Variants in EPS15L1 observed in about 807,000 individuals in gnomAD.
The protein encoded by EPS15L1 is epidermal growth factor receptor pathway substrate 15 like 1.
A neutral mutation model predicts 117.1 loss-of-function variants in EPS15L1; 43 were observed. The ratio of observed to expected loss-of-function variants is 0.37; its 90% CI spans 0.29 to 0.47. EPS15L1 has a LOEUF of 0.47. Ranked by LOEUF, EPS15L1 falls within the 20% of genes least tolerant of loss-of-function variation. The pLI, the probability that EPS15L1 is intolerant of heterozygous loss-of-function variation, is 0.99. For missense variants in EPS15L1, 981 were observed against 1,164.0 expected (o/e 0.84, Z 2.29); for synonymous variants, 459 against 470.5 (o/e 0.98, Z 0.32).
Position 16,377,129 on chromosome 19 carries a change from C to A in EPS15L1, c.2373G>T (p.Pro791=). The change falls in exon 22 of 24, where the codon CCG becomes CCT. Residue 791 remains proline, a synonymous_variant. Transcript: ENST00000455140. The part of the protein sequence containing the change: ...PKKPAPPRPK[P]PSGKSTPVSQ... ...AGAAGAAAGCTTACTGACCGCTGGG[C>A]GGTTTAGGCCGTGGAGGAGCAGGTT... is the stretch of plus-strand genomic sequence containing the variant. 1.3e-6 allele frequency: 2 copies of A among 1,599,530 alleles called. No individual in the cohort carries two copies. The highest frequency in any genetic ancestry group is 1.7e-6 in the Non-Finnish European group (2 of 1,174,852).
At position 16,355,542 on chromosome 19, in the gene EPS15L1, A is replaced by T; in HGVS notation, c.*163T>A. 1.1e-6 allele frequency: 1 copy of T among 883,072 alleles called. No individual in the cohort carries two copies. Among genetic ancestry groups the T allele is most frequent in the Non-Finnish European group, 1.7e-6 (1 of 597,674 alleles). 54.7% of individuals were successfully genotyped at this position (883,072 alleles called of 1,614,324 possible). On this transcript the variant is annotated 3_prime_UTR_variant, in exon 24 of 24. Transcript: ENST00000455140. ...TGTAAGGGCTTCCCCAGGAGATGTG[A>T]CCTTTCCAGGTCTTGCAGCCGAGTC... is the stretch of plus-strand genomic sequence containing the variant.
intron 7 of EPS15L1, among the ~76,000 whole-genome samples, chr19:16,431,773 C>T (rs995658784): frequency 6.6e-6 from 1 of 152,166 alleles, no homozygotes; most frequent in Non-Finnish European, 1.5e-5. Flanking sequence ...GATGATTACA[C>T]ATTGTGTGCA....
chr19:16,388,070 T>C (rs1292912554), intron 19 of EPS15L1, among the ~76,000 whole-genome samples: 1 of 151,908 alleles, frequency 6.6e-6, no homozygotes, highest in Non-Finnish European at 1.5e-5. Flanking sequence ...GAGATGGGAG[T>C]CTCACTCTGT....
intron 9 of EPS15L1, among the ~76,000 whole-genome samples, chr19:16,423,766 C>T (rs982543775): frequency 6.6e-6 from 1 of 152,156 alleles, no homozygotes; most frequent in African/African-American, 2.4e-5. Flanking sequence ...CACGGAGCTA[C>T]AGCAAGCTAA....
intron 12 of EPS15L1, chr19:16,417,293 T>G (rs2092767322): frequency 2.2e-6 from 1 of 457,550 alleles, no homozygotes; most frequent in African/African-American, 2.0e-5. Context: ...ACCACACAGC[T>G]GCCACCCACA....
Position 16,361,825 on chromosome 19 carries a change from G to C in EPS15L1, c.2540C>G (p.Ala847Gly). ...CGAGGCAGAGGCCTTAGAAGGTTTA[G>C]CTGCAGAGGAGGGGACAAATGGGTC... is the stretch of plus-strand genomic sequence containing the variant. ...GKDPFVPSSA[A>G]KPSKASASGF... The change falls in exon 23 of 24, where the codon GCT (alanine) becomes GGT (glycine). Residue 847 changes from alanine to glycine, a missense_variant. Physicochemically the swap from Ala to Gly is moderately conservative, Grantham distance 60 (BLOSUM62 0). Around this residue, in one of 5 missense-constraint regions of EPS15L1, gnomAD observed 819 missense variants for 949.0 expected, o/e 0.86. Transcript: ENST00000455140. 5 of 1,614,018 alleles carry C rather than the reference G, an allele frequency of 3.1e-6. No homozygotes were observed. Among genetic ancestry groups the C allele is most frequent in the Non-Finnish European group, 4.2e-6 (5 of 1,179,980 alleles).
At chr19:16,366,427 G>A (rs562962384) in intron 22 of EPS15L1, among the ~76,000 whole-genome samples, 11 of 152,158 alleles carry the variant, frequency 7.2e-5, no homozygotes, top group African/African-American at 2.4e-4. Flanking sequence ...TTTTTGGGAG[G>A]AGCGGTTAAG....
chr19:16,401,888 T>C (rs1355323993), intron 16 of EPS15L1: 5 of 990,852 alleles, frequency 5.0e-6, no homozygotes, highest in Non-Finnish European at 6.0e-6. Flanking sequence ...CTTTTCAAGG[T>C]GTTCCTTGTG....
At chr19:16,375,968 T>C (rs2144695254) in intron 22 of EPS15L1, among the ~76,000 whole-genome samples, 1 of 152,298 alleles carries the variant, frequency 6.6e-6, no homozygotes, top group Middle Eastern at 3.4e-3. Context: ...GCTGGGGGCA[T>C]GCGGAGCCTG....
intron 17 of EPS15L1, 26 bp from the exon 18 acceptor site, chr19:16,394,027 T>C (rs1372852408): frequency 6.2e-7 from 1 of 1,612,882 alleles, no homozygotes; most frequent in Non-Finnish European, 8.5e-7. Context: ...GAGAAATGCT[T>C]ATTAGCTCTA....
chr19:16,399,261 G>A (rs559278595), intron 16 of EPS15L1, among the ~76,000 whole-genome samples: 3 of 152,122 alleles, frequency 2.0e-5, no homozygotes, highest in Non-Finnish European at 4.4e-5. Flanking sequence ...ATCAGAGTGG[G>A]AAACGAGATT....
rs2092481097 is a variant in EPS15L1, at chr19:16,391,999, T to C, written c.2103+305A>G. Reference sequence around the variant, plus strand: ...GGGGCAGATGACTAGAGTTGAGGGGTAGGAATGGGGATAGAGAAATAAGAA... The same window carrying C: ...GGGGCAGATGACTAGAGTTGAGGGGCAGGAATGGGGATAGAGAAATAAGAA... On this transcript the variant is annotated intron_variant, in intron 19 of 23. Transcript: ENST00000455140. Among the ~76,000 whole-genome samples the C allele has an allele frequency of 2.0e-5, 3 of 151,414 alleles. No individual in the cohort carries two copies. In the South Asian group the frequency reaches 6.3e-4, roughly 32 times the overall value.
At chr19:16,409,932 T>A (rs181742142) in intron 13 of EPS15L1, among the ~76,000 whole-genome samples, 140 of 95,932 alleles carry the variant, frequency 1.5e-3, no homozygotes, top group African/African-American at 6.6e-3. Flanking sequence ...AGTGAGACTC[T>A]GTCTCAAAAA....
At chr19:16,400,616 G>C (rs2092591000) in intron 16 of EPS15L1, 1 of 983,238 alleles carries the variant, frequency 1.0e-6, no homozygotes, top group Non-Finnish European at 1.2e-6. Flanking sequence ...TTAAGAAATA[G>C]AAACAAGCCA....
intron 16 of EPS15L1, among the ~76,000 whole-genome samples, chr19:16,399,367 G>C (rs1385478330): frequency 6.6e-6 from 1 of 152,208 alleles, no homozygotes; most frequent in Non-Finnish European, 1.5e-5. Flanking sequence ...GAGTACAGCA[G>C]ACAAGGGCCA....
chr19:16,457,570 G>A (rs1215161732), intron 1 of EPS15L1, among the ~76,000 whole-genome samples: 1 of 152,176 alleles, frequency 6.6e-6, no homozygotes, highest in East Asian at 1.9e-4. Flanking sequence ...AGGGGCGGGC[G>A]TGTAGGGAAG....
chr19:16,439,087 T>TA (rs2093005118), intron 4 of EPS15L1, among the ~76,000 whole-genome samples: 1 of 151,886 alleles, frequency 6.6e-6, no homozygotes, highest in African/African-American at 2.4e-5. Flanking sequence ...TTTTTTTTTT[T>TA]TTATTAACTG....
At chr19:16,467,691 G>A (rs2093316590) in intron 1 of EPS15L1, among the ~76,000 whole-genome samples, 1 of 152,164 alleles carries the variant, frequency 6.6e-6, no homozygotes, top group Admixed American at 6.5e-5. Flanking sequence ...ACTTATTTCA[G>A]AGGAAGAAAA....
rs144908454 is a variant in EPS15L1 at position 16,389,003 on chromosome 19, C to T, written c.2104-2772G>A. ...GTGGCTCATGCCTGTAATTCTATCA[C>T]TTTGGGAGGACGAGGCGGGCAGATC... On this transcript the variant is annotated intron_variant, in intron 19 of 23. Transcript: ENST00000455140. 4.5e-4 allele frequency among the ~76,000 whole-genome samples: 68 copies of T among 152,258 alleles called. 1 individual carries two copies. Among genetic ancestry groups the T allele is most frequent in the African/African-American group, 1.5e-3 (63 of 41,540 alleles).
Sources: allele counts gnomAD v4.1 joint callset (sites outside exome capture counted in the v4.1 genomes callset), GRCh38; gene constraint gnomAD v4.1.1; regional missense constraint gnomAD v4.1.1; transcripts MANE v1.5; gene names NCBI Gene and HGNC (gene_info 2026-07-23, HGNC 2026-07-21).